Variants in BASP1 observed in about 807,000 individuals in gnomAD.
The protein encoded by BASP1 is brain acid soluble protein 1.
In BASP1, 1 loss-of-function variant was observed where a neutral mutation model predicts 2.2. The observed-to-expected ratio is 0.46, with a 90% CI of 0.16 to 2.17. The LOEUF (loss-of-function observed/expected upper bound fraction) is 2.17. Ranked by LOEUF, BASP1 falls within the 30% of genes most tolerant of loss-of-function variation. BASP1 has a pLI of 0.27. For synonymous variants in BASP1, 187 were observed against 154.2 expected, an observed-to-expected ratio of 1.21 and a Z score of -1.58; for missense variants, 352 against 327.2, an observed-to-expected ratio of 1.08 and a Z score of -0.58.
chr5:17,273,916 A>G (rs1383013419), intron 1 of BASP1, among the ~76,000 whole-genome samples: 1 of 152,216 alleles, frequency 6.6e-6, no homozygotes, highest in Non-Finnish European at 1.5e-5. Context: ...TTCTTTGCAA[A>G]AGCAACATTT....
chr5:17,250,067 A>T (rs182514161), intron 1 of BASP1, among the ~76,000 whole-genome samples: 2 of 152,008 alleles, frequency 1.3e-5, no homozygotes, highest in East Asian at 3.9e-4. Context: ...CTCAGCCTCT[A>T]AGTAGCTGGG....
intron 1 of BASP1, among the ~76,000 whole-genome samples, chr5:17,239,974 G>A (rs1357872560): frequency 1.3e-5 from 2 of 152,066 alleles, no homozygotes; most frequent in East Asian, 3.8e-4. Flanking sequence ...TTGAATATAT[G>A]TGTTCCACCA....
At chr5:17,217,409 G>T (rs1739274722), upstream of BASP1, among the ~76,000 whole-genome samples, 1 of 67,480 alleles carries the variant, frequency 1.5e-5, no homozygotes, top group Non-Finnish European at 3.1e-5. Flanking sequence ...CGCCGGAGGA[G>T]GGGAGGGGAG....
Position 17,276,728 on chromosome 5 carries a change from G to GA in BASP1, c.*838dup, listed in dbSNP as rs1314210550. On this transcript the variant is annotated 3_prime_UTR_variant, in exon 2 of 2. Transcript: ENST00000322611. ...CCAACACACCACTCATTGGAAAATGGAAAAAAAAAACAAAAAAAAAACAAA... is the reference window on the plus strand; with the variant it reads ...CCAACACACCACTCATTGGAAAATGGAAAAAAAAAAACAAAAAAAAAACAAA... The GA allele has an allele frequency of 8.1e-3, 471 of 57,896 alleles. No individual in the cohort carries two copies. Among genetic ancestry groups the GA allele is most frequent in the South Asian group, 0.014 (24 of 1,670 alleles). The allele number at this position is 57,896 out of a possible 1,614,324, so 3.6% of individuals were successfully genotyped here. A position where few individuals can be genotyped will look rare whatever the true frequency, so the allele number is the denominator to read the frequency against.
At chr5:17,248,106 T>C (rs1740031077) in intron 1 of BASP1, among the ~76,000 whole-genome samples, 1 of 152,224 alleles carries the variant, frequency 6.6e-6, no homozygotes, top group South Asian at 2.1e-4. Context: ...TTCATGCTAT[T>C]CAATATTCTA....
intron 1 of BASP1, among the ~76,000 whole-genome samples, chr5:17,259,003 C>G (rs950347407): frequency 1.2e-4 from 19 of 152,150 alleles, no homozygotes; most frequent in Non-Finnish European, 2.6e-4. Flanking sequence ...GCAGTAGAAT[C>G]TGGAAATGGC....
chr5:17,233,754 T>C (rs185535364), intron 1 of BASP1, among the ~76,000 whole-genome samples: 239 of 152,122 alleles, frequency 1.6e-3, no homozygotes, highest in African/African-American at 5.4e-3. Flanking sequence ...GTAGATGATA[T>C]TTTCTTTTCT....
intron 1 of BASP1, among the ~76,000 whole-genome samples, chr5:17,269,523 C>T (rs1290291218): frequency 1.3e-5 from 2 of 152,216 alleles, no homozygotes; most frequent in South Asian, 2.1e-4. Flanking sequence ...TCACAGTGCT[C>T]GAATGGCACA....
intron 1 of BASP1, among the ~76,000 whole-genome samples, chr5:17,245,462 A>G (rs1739964495): frequency 6.6e-6 from 1 of 152,198 alleles, no homozygotes; most frequent in Admixed American, 6.5e-5. Flanking sequence ...CATCTTACAA[A>G]TGCTAAATCT....
chr5:17,250,990 C>T (rs1431440184), intron 1 of BASP1, among the ~76,000 whole-genome samples: 1 of 152,206 alleles, frequency 6.6e-6, no homozygotes, highest in Non-Finnish European at 1.5e-5. Context: ...CTGCATAGAA[C>T]AGAAAACCTA....
Position 17,260,575 on chromosome 5 carries a change from T to C in BASP1, c.-9-14633T>C, listed in dbSNP as rs1322726142. Among the ~76,000 whole-genome samples, 1 of 152,226 alleles carries C rather than the reference T, an allele frequency of 6.6e-6. No individual in the cohort carries two copies. The highest frequency in any genetic ancestry group is 1.5e-5 in the Non-Finnish European group (1 of 68,038). ...CATTTAATGCAACGGAAATTTCAGT[T>C]ACAATTTAGTTTATTGATTTTTTTC... On this transcript the variant is annotated intron_variant, in intron 1 of 1. Transcript: ENST00000322611. This position sits in a 1 kb window ranked among gnomAD's most constrained non-coding sequence, Gnocchi z 4.2.
chr5:17,261,438 G>C (rs1579499006), intron 1 of BASP1, among the ~76,000 whole-genome samples: 1 of 152,324 alleles, frequency 6.6e-6, no homozygotes, highest in African/African-American at 2.4e-5. Flanking sequence ...AATGACTGCA[G>C]AATGAAATAC....
chr5:17,247,012 C>T (rs1250660064), intron 1 of BASP1, among the ~76,000 whole-genome samples: 1 of 152,060 alleles, frequency 6.6e-6, no homozygotes, highest in Non-Finnish European at 1.5e-5. Context: ...CATGGCGAAA[C>T]CCTGTGTCTA....
chr5:17,219,037 G>A (rs988304179), intron 1 of BASP1, among the ~76,000 whole-genome samples: 4 of 152,112 alleles, frequency 2.6e-5, no homozygotes, highest in Non-Finnish European at 5.9e-5. Flanking sequence ...CTCGCACTGT[G>A]GGGCGGGCTA....
At chr5:17,258,525 G>T (rs1443646730) in intron 1 of BASP1, among the ~76,000 whole-genome samples, 2 of 152,088 alleles carry the variant, frequency 1.3e-5, no homozygotes, top group African/African-American at 4.8e-5. Flanking sequence ...TTTTTAACAA[G>T]CTTCTCAGAT....
chr5:17,270,247 G>A (rs542694362), intron 1 of BASP1, among the ~76,000 whole-genome samples: 21 of 152,166 alleles, frequency 1.4e-4, no homozygotes, highest in East Asian at 5.8e-4. Flanking sequence ...TGATCTGCCC[G>A]CCTCGGCCTC....
intron 1 of BASP1, among the ~76,000 whole-genome samples, chr5:17,218,350 C>CT (rs1389150544): frequency 1.3e-5 from 2 of 152,094 alleles, no homozygotes; most frequent in Non-Finnish European, 2.9e-5. Context: ...AAGTGGGTGG[C>CT]TTTTTGCTTT....
chr5:17,260,715 A>G lies in BASP1; in HGVS notation c.-9-14493A>G, dbSNP rs997168131. Among the ~76,000 whole-genome samples, 2 of 152,216 alleles carry G rather than the reference A, an allele frequency of 1.3e-5. No individual in the cohort carries two copies. Among genetic ancestry groups the G allele is most frequent in the Non-Finnish European group, 1.5e-5 (1 of 68,034 alleles). ...CGTCTGTAGTGAGTCTGTGATGTTTATCTAGTACCCATTGTGCACGAACAA... is the reference window on the plus strand; with the variant it reads ...CGTCTGTAGTGAGTCTGTGATGTTTGTCTAGTACCCATTGTGCACGAACAA... On this transcript the variant is annotated intron_variant, in intron 1 of 1. Transcript: ENST00000322611. This position sits in a 1 kb window ranked among gnomAD's most constrained non-coding sequence, Gnocchi z 4.2.
At chr5:17,266,860 CA>C (rs985829105) in intron 1 of BASP1, among the ~76,000 whole-genome samples, 1 of 149,224 alleles carries the variant, frequency 6.7e-6, no homozygotes, top group Non-Finnish European at 1.5e-5. Context: ...AACTCTTTCT[CA>C]ATGTAGGAAC....
Sources: allele counts gnomAD v4.1 joint callset (sites outside exome capture counted in the v4.1 genomes callset), GRCh38; gene constraint gnomAD v4.1.1; non-coding constraint Gnocchi (gnomAD v3.1); transcripts MANE v1.5; gene names NCBI Gene and HGNC (gene_info 2026-07-23, HGNC 2026-07-21).